The following BRINP3 variants were observed in gnomAD, a reference collection of about 807,000 sequenced individuals.
The protein encoded by BRINP3 is BMP/retinoic acid inducible neural specific 3.
Under a neutral mutation model 71.0 loss-of-function variants are expected in BRINP3, and 19 were observed. The ratio of observed to expected loss-of-function variants is 0.27; its 90% confidence interval spans 0.19 to 0.39. The LOEUF is 0.39. BRINP3 is among the 10% of genes least tolerant of loss of function. The pLI, the probability that BRINP3 is intolerant of heterozygous loss-of-function variation, is 1.00. For missense variants in BRINP3, 959 were observed against 940.8 expected, an observed-to-expected ratio of 1.02 and a Z score of -0.25; for synonymous variants, 380 against 337.7, an observed-to-expected ratio of 1.13 and a Z score of -1.37.
chr1:190,142,392 C>T (rs963819061), intron 7 of BRINP3, among the ~76,000 whole-genome samples: 3 of 152,098 alleles, frequency 2.0e-5, no homozygotes, highest in African/African-American at 7.2e-5. Flanking sequence ...AAGTGGAAAA[C>T]TGCTAAGGAT....
At chr1:190,150,212 T>G (rs1251310508) in intron 7 of BRINP3, among the ~76,000 whole-genome samples, 1 of 152,074 alleles carries the variant, frequency 6.6e-6, no homozygotes, top group Non-Finnish European at 1.5e-5. Context: ...TTTTAATGAG[T>G]TGGTATATAT....
At chr1:190,114,174 C>T (rs541430633) in intron 7 of BRINP3, among the ~76,000 whole-genome samples, 2 of 152,264 alleles carry the variant, frequency 1.3e-5, no homozygotes, top group East Asian at 1.9e-4. Flanking sequence ...CCTCCCCACA[C>T]ATTCCTCTCT....
chr1:190,210,138 G>T (rs1183620023), intron 6 of BRINP3, among the ~76,000 whole-genome samples: 1 of 152,070 alleles, frequency 6.6e-6, no homozygotes, highest in African/African-American at 2.4e-5. Flanking sequence ...GATAACCCTT[G>T]TCATGGCTTC....
chr1:190,353,504 GTTAAAA>G (rs1487174650), intron 2 of BRINP3, among the ~76,000 whole-genome samples: 5 of 151,966 alleles, frequency 3.3e-5, no homozygotes, highest in African/African-American at 9.7e-5. Flanking sequence ...TGAGGACTTA[GTTAAAA>G]TTAAACTCTG....
chr1:190,124,854 T>C (rs572755325), intron 7 of BRINP3, among the ~76,000 whole-genome samples: 1 of 152,226 alleles, frequency 6.6e-6, no homozygotes, highest in African/African-American at 2.4e-5. Context: ...TTAGTGTTTA[T>C]ATTTACCTAA....
At chr1:190,414,303 A>T (rs1672874841) in intron 2 of BRINP3, among the ~76,000 whole-genome samples, 1 of 151,974 alleles carries the variant, frequency 6.6e-6, no homozygotes, top group Non-Finnish European at 1.5e-5. Flanking sequence ...AAATTTTCAT[A>T]ATTAATAATA....
intron 4 of BRINP3, among the ~76,000 whole-genome samples, chr1:190,234,860 C>A (rs1161934767): frequency 6.6e-6 from 1 of 152,164 alleles, no homozygotes; most frequent in Non-Finnish European, 1.5e-5. Flanking sequence ...TCAGAGCCAT[C>A]TGCCAGGCTA....
intron 6 of BRINP3, among the ~76,000 whole-genome samples, chr1:190,192,410 A>T (rs1370417083): frequency 6.6e-6 from 1 of 152,142 alleles, no homozygotes; most frequent in Non-Finnish European, 1.5e-5. Flanking sequence ...AACAAGAAAC[A>T]TTAAACTGGT....
chr1:190,165,458 T>TGTG (rs1306559925), intron 6 of BRINP3, among the ~76,000 whole-genome samples: 12 of 106,976 alleles, frequency 1.1e-4, no homozygotes, highest in Non-Finnish European at 1.8e-4. Flanking sequence ...TTTTTTTTTT[T>TGTG]TTTGTGTGTG....
At chr1:190,263,135 G>A (rs1436798629) in intron 4 of BRINP3, among the ~76,000 whole-genome samples, 1 of 152,040 alleles carries the variant, frequency 6.6e-6, no homozygotes, top group African/African-American at 2.4e-5. Flanking sequence ...TCTTCTATTA[G>A]AAAATACAGT....
intron 2 of BRINP3, among the ~76,000 whole-genome samples, chr1:190,387,242 T>G (rs1455315426): frequency 6.6e-6 from 1 of 152,022 alleles, no homozygotes; most frequent in Admixed American, 6.6e-5. Flanking sequence ...ATGAAAATTT[T>G]TGGATATAAT....
intron 3 of BRINP3, among the ~76,000 whole-genome samples, chr1:190,267,471 G>T (rs1284327748): frequency 6.6e-6 from 1 of 151,970 alleles, no homozygotes; most frequent in Non-Finnish European, 1.5e-5. Context: ...CACAGCTAAA[G>T]CACTGCTGAG....
chr1:190,346,625 A>T (rs1464271655), intron 2 of BRINP3, among the ~76,000 whole-genome samples: 1 of 152,070 alleles, frequency 6.6e-6, no homozygotes. Flanking sequence ...AATCTAGATC[A>T]TTTTTTAATA....
chr1:190,142,103 C>A (rs569894643), intron 7 of BRINP3, among the ~76,000 whole-genome samples: 2 of 152,162 alleles, frequency 1.3e-5, no homozygotes, highest in East Asian at 1.9e-4. Flanking sequence ...TGGACTCAAC[C>A]TTTCTACCTA....
At chr1:190,197,568 C>T (rs1654604391) in intron 6 of BRINP3, among the ~76,000 whole-genome samples, 1 of 152,182 alleles carries the variant, frequency 6.6e-6, no homozygotes, top group African/African-American at 2.4e-5. Context: ...GGGCAACAGG[C>T]CCCATGCAAT....
At chr1:190,363,076 T>C (rs1163727881) in intron 2 of BRINP3, among the ~76,000 whole-genome samples, 1 of 152,066 alleles carries the variant, frequency 6.6e-6, no homozygotes, top group Non-Finnish European at 1.5e-5. Flanking sequence ...GGGAATCCCT[T>C]GGGAAAAATC....
At chr1:190,152,433 T>G (rs1382724406) in intron 7 of BRINP3, among the ~76,000 whole-genome samples, 1 of 151,650 alleles carries the variant, frequency 6.6e-6, no homozygotes, top group Non-Finnish European at 1.5e-5. Flanking sequence ...AAAAACAACA[T>G]GCTGATTCTC....
chr1:190,229,003 T>C (rs1304305889), intron 5 of BRINP3, among the ~76,000 whole-genome samples: 1 of 151,940 alleles, frequency 6.6e-6, no homozygotes, highest in Non-Finnish European at 1.5e-5. Context: ...GACTAGTTTG[T>C]TTTCAACCCA....
At position 190,228,548 on chromosome 1, in the gene BRINP3, T is replaced by G. The variant is rs374432605; in HGVS notation, c.725-2230A>C. ...GTGGCAAGAAATGGTGAGTTCCGCT[T>G]TAGAAACACAAATACTCCTGCTATG... is the stretch of plus-strand genomic sequence containing the variant. On this transcript the variant is annotated intron_variant, in intron 5 of 7. Coordinates refer to ENST00000367462, the MANE Select transcript of BRINP3 (RefSeq NM_199051.3). Among the ~76,000 whole-genome samples, 4 of 151,932 alleles carry G rather than the reference T, an allele frequency of 2.6e-5. No individual in the cohort carries two copies. In the East Asian group the frequency reaches 5.8e-4, roughly 22 times the overall value.
Sources: allele counts gnomAD v4.1 joint callset (sites outside exome capture counted in the v4.1 genomes callset), GRCh38; gene constraint gnomAD v4.1.1; transcripts MANE v1.5; gene names NCBI Gene and HGNC (gene_info 2026-07-23, HGNC 2026-07-21).